Variants in ZNF782 observed in about 807,000 individuals in gnomAD.
The protein encoded by ZNF782 is zinc finger protein 782.
A neutral mutation model predicts 13.0 loss-of-function variants in ZNF782; 12 were observed. The ratio of observed to expected loss-of-function variants is 0.92; its 90% CI spans 0.59 to 1.50. The LOEUF is 1.50. Ranked by LOEUF, ZNF782 falls within the 40% of genes most tolerant of loss-of-function variation. The pLI, the probability that ZNF782 is intolerant of heterozygous loss-of-function variation, is 0.00. For synonymous variants in ZNF782, 284 were observed against 283.0 expected (o/e 1.00, Z -0.04); for missense variants, 770 against 822.9 (o/e 0.94, Z 0.79).
intron 5 of ZNF782, among the ~76,000 whole-genome samples, chr9:96,820,611 G>A (rs576670468): frequency 9.3e-5 from 14 of 150,834 alleles, no homozygotes; most frequent in East Asian, 3.9e-4. Flanking sequence ...GTATAGTGGC[G>A]TGATCTTGGC....
chr9:96,881,091 T>A, the ZNF782 span, among the ~76,000 whole-genome samples: 19 of 152,218 alleles, frequency 1.2e-4, no homozygotes, highest in South Asian at 4.1e-4. Context: ...GCTTTTAATG[T>A]CTGTAGGTTC....
chr9:96,932,829 C>T, the ZNF782 span, among the ~76,000 whole-genome samples: 1 of 150,994 alleles, frequency 6.6e-6, no homozygotes, highest in Non-Finnish European at 1.5e-5. Flanking sequence ...ATTTTGTATT[C>T]GTAGAGATGG....
Position 96,818,771 on chromosome 9 carries a change from C to A in ZNF782, c.1252G>T (p.Gly418Ter). 6.2e-7 allele frequency: 1 copy of A among 1,613,750 alleles called. No individual in the cohort carries two copies. Among genetic ancestry groups the A allele is most frequent in the Non-Finnish European group, 8.5e-7 (1 of 1,179,926 alleles). Residue 418 changes from glycine (G) to a stop codon, truncating the protein, a stop_gained, in exon 6 of 6, where the codon GGA becomes TGA. Transcript: ENST00000481138. LOFTEE classifies it low-confidence loss of function (END_TRUNC). ...RLRKHQRTHT[G>*]EKPYKCDGCD... is the part of the protein sequence containing the mutation. The stretch of plus-strand genomic sequence containing the variant: ...CCATCACATTTGTATGGTTTCTCTC[C>A]CGTGTGAGTTCTCTGATGTTTTCTT...
the ZNF782 span, among the ~76,000 whole-genome samples, chr9:96,899,143 TATA>T: frequency 2.6e-4 from 39 of 150,902 alleles, no homozygotes; most frequent in African/African-American, 9.6e-4. Flanking sequence ...TTTAACTTAC[TATA>T]ATGTTTTCAA....
intron 1 of ZNF782, among the ~76,000 whole-genome samples, chr9:96,866,751 G>A (rs968030764): frequency 6.6e-6 from 1 of 152,126 alleles, no homozygotes; most frequent in African/African-American, 2.4e-5. Context: ...AAAGCCACAA[G>A]GGCAGAGCTG....
At chr9:96,881,809 G>A in the ZNF782 span, among the ~76,000 whole-genome samples, 354 of 151,884 alleles carry the variant, frequency 2.3e-3, 3 homozygotes, top group African/African-American at 8.0e-3. Context: ...TCACACTATC[G>A]TAAATACTGT....
In ZNF782 at chr9:96,818,687, CT is replaced by C. The variant is rs1307821355; in HGVS notation, c.1335del (p.Glu447ArgfsTer20). 1.7e-5 allele frequency: 28 copies of C among 1,613,682 alleles called. No homozygotes were observed. The Admixed American group carries it at 3.8e-4, about 22-fold the overall frequency. On this transcript the variant is annotated frameshift_variant, in exon 6 of 6. Transcript: ENST00000481138. LOFTEE classifies it low-confidence loss of function (END_TRUNC). The part of the protein sequence containing the change: ...SGLRIHQRTH[T>X]GEKPFECHEC... The stretch of plus-strand genomic sequence containing the variant: ...TCATGACATTCGAATGGTTTCTCCC[CT>C]GTGTGGGTTCTCTGGTGTATTCTTA...
the ZNF782 span, among the ~76,000 whole-genome samples, chr9:96,927,336 A>G: frequency 5.3e-5 from 8 of 152,002 alleles, no homozygotes; most frequent in Non-Finnish European, 1.0e-4. Flanking sequence ...AGTTCTAGGA[A>G]TTGTAAGCCA....
At chr9:96,864,850 G>A (rs956444065) in intron 1 of ZNF782, among the ~76,000 whole-genome samples, 1 of 140,076 alleles carries the variant, frequency 7.1e-6, no homozygotes, top group Admixed American at 7.3e-5. Context: ...TGGGCAAAAA[G>A]TGAGACCCTA....
At chr9:96,902,337 T>C in the ZNF782 span, among the ~76,000 whole-genome samples, 3 of 139,572 alleles carry the variant, frequency 2.1e-5, no homozygotes, top group African/African-American at 9.3e-5. Context: ...GGCAGGAGAA[T>C]TGCTTGAACC....
the ZNF782 span, among the ~76,000 whole-genome samples, chr9:96,922,632 G>A: frequency 6.6e-6 from 1 of 151,836 alleles, no homozygotes; most frequent in Non-Finnish European, 1.5e-5. Context: ...AAAATAGCCG[G>A]GCCTGGTGGC....
At chr9:96,923,917 C>A in the ZNF782 span, among the ~76,000 whole-genome samples, 19 of 150,594 alleles carry the variant, frequency 1.3e-4, 1 homozygote, top group South Asian at 4.1e-3. Context: ...CTCACTGCAG[C>A]CTCTGCCTCC....
intron 1 of ZNF782, among the ~76,000 whole-genome samples, chr9:96,863,506 C>T (rs1191202433): frequency 6.6e-6 from 1 of 152,226 alleles, no homozygotes; most frequent in African/African-American, 2.4e-5. Context: ...AGCAATCTCT[C>T]ACTACTGGGT....
chr9:96,846,408 T>A lies in ZNF782; in HGVS notation c.16-1392A>T, dbSNP rs867319735. ...AGATACAGAATGGCAAAACAGATTT[T>A]AAAAAAATCACAAACCAAATATCTG... On this transcript the variant is annotated intron_variant, in intron 3 of 5. Transcript: ENST00000481138. Among the ~76,000 whole-genome samples, 16 of 152,132 alleles carry A rather than the reference T, an allele frequency of 1.1e-4. No individual in the cohort carries two copies. In the East Asian group the frequency reaches 1.5e-3, roughly 15 times the overall value.
the ZNF782 span, among the ~76,000 whole-genome samples, chr9:96,913,170 C>T: frequency 6.6e-6 from 1 of 151,900 alleles, no homozygotes; most frequent in African/African-American, 2.4e-5. Context: ...CAAAAACTAG[C>T]CAGGTGTGGT....
the ZNF782 span, among the ~76,000 whole-genome samples, chr9:96,926,328 GC>G: frequency 2.6e-5 from 4 of 150,980 alleles, no homozygotes; most frequent in South Asian, 8.4e-4. Flanking sequence ...TTAAGTTTTT[GC>G]CCCGTGATAA....
At chr9:96,851,486 G>A (rs538178823) in intron 3 of ZNF782, among the ~76,000 whole-genome samples, 33 of 152,186 alleles carry the variant, frequency 2.2e-4, no homozygotes, top group Non-Finnish European at 3.7e-4. Flanking sequence ...TACCCTAACT[G>A]AACAGGGAAA....
chr9:96,855,613 A>G (rs962273192), upstream of ZNF782, among the ~76,000 whole-genome samples: 1 of 152,230 alleles, frequency 6.6e-6, no homozygotes, highest in Non-Finnish European at 1.5e-5. Flanking sequence ...GCTAAGTAGT[A>G]TATCATCAGA....
the ZNF782 span, among the ~76,000 whole-genome samples, chr9:96,919,909 T>C: frequency 6.6e-6 from 1 of 151,566 alleles, no homozygotes; most frequent in African/African-American, 2.4e-5. Context: ...ATTTGGGGAC[T>C]AGCAAGGGCA....
Sources: gnomAD v4.1 joint callset for allele counts (sites outside exome capture counted in the v4.1 genomes callset) on GRCh38, gnomAD v4.1.1 for gene constraint, MANE v1.5 for transcripts, NCBI Gene and HGNC (gene_info 2026-07-23, HGNC 2026-07-21) for gene names.